GLOD5: variants seen among roughly 807,000 people sequenced by gnomAD.
GLOD5 encodes glyoxalase domain-containing protein 5.
Under a neutral mutation model 9.9 loss-of-function variants are expected in GLOD5, and 7 were observed. The observed-to-expected ratio is 0.71, with a 90% CI of 0.40 to 1.33. GLOD5 has a LOEUF of 1.33. Among genes scored for constraint, GLOD5 ranks in the 40% most tolerant of loss-of-function variants. GLOD5 has a pLI of 0.01. For synonymous variants in GLOD5, 49 were observed against 47.3 expected, an observed-to-expected ratio of 1.04 and a Z score of -0.14; for missense variants, 146 against 128.4, an observed-to-expected ratio of 1.14 and a Z score of -0.66.
rs1488483781 is a variant in GLOD5, at chrX:48,773,480, C to T, written c.*45C>T. Reference sequence around the variant, plus strand: ...ATTCTGTCCCCCTTGATGTCGCCCTCTCCTTTCCTTCCTGCAAACCCCCAC... The same window carrying T: ...ATTCTGTCCCCCTTGATGTCGCCCTTTCCTTTCCTTCCTGCAAACCCCCAC... On this transcript the variant is annotated 3_prime_UTR_variant, in exon 4 of 4. Transcript: ENST00000303227. 4.2e-6 allele frequency: 5 copies of T among 1,182,885 alleles called. No individual in the cohort carries two copies. In the African/African-American group the frequency reaches 5.4e-5, roughly 13 times the overall value.
In GLOD5 at chrX:48,773,503, C is replaced by T; in HGVS notation, c.*68C>T. The T allele has an allele frequency of 2.7e-6, 3 of 1,111,211 alleles. No individual in the cohort carries two copies. Among genetic ancestry groups the T allele is most frequent in the South Asian group, 1.9e-5 (1 of 51,643 alleles). The allele number at this position is 1,111,211 out of a possible 1,213,427, so 91.6% of individuals were successfully genotyped here. On this transcript the variant is annotated 3_prime_UTR_variant, in exon 4 of 4. Coordinates refer to ENST00000303227, the MANE Select transcript of GLOD5 (RefSeq NM_001080489.3). ...CTCTCCTTTCCTTCCTGCAAACCCC[C>T]ACCCAGGCCCAGAGATCTCCAAAGA...
chrX:48,773,055 G>A (rs1217637197), intron 3 of GLOD5, among the ~76,000 whole-genome samples: 1 of 110,048 alleles, frequency 9.1e-6, no homozygotes, highest in Non-Finnish European at 1.9e-5. Context: ...GGGCAGCACA[G>A]CAAGACCTCG....
At chrX:48,762,738 T>G (rs1035557657) in intron 1 of GLOD5, among the ~76,000 whole-genome samples, 3 of 111,517 alleles carry the variant, frequency 2.7e-5, no homozygotes, top group Non-Finnish European at 3.8e-5. Flanking sequence ...CACCCAGTCC[T>G]TTGTGTGATG....
Position 48,773,509 on chromosome X carries a change from G to A in GLOD5, c.*74G>A. ...TTTCCTTCCTGCAAACCCCCACCCA[G>A]GCCCAGAGATCTCCAAAGACTGAGG... On this transcript the variant is annotated 3_prime_UTR_variant, in exon 4 of 4. Coordinates refer to ENST00000303227, the MANE Select transcript of GLOD5 (RefSeq NM_001080489.3). The A allele has an allele frequency of 9.2e-7, 1 of 1,090,468 alleles. No individual in the cohort carries two copies. Among genetic ancestry groups the A allele is most frequent in the Non-Finnish European group, 1.2e-6 (1 of 801,422 alleles). 89.9% of individuals were successfully genotyped at this position (1,090,468 alleles called of 1,213,427 possible).
At position 48,765,847 on chromosome X, in the gene GLOD5, A is replaced by G; in HGVS notation, c.76A>G (p.Ser26Gly). ...RTLEKQSWRD[S>G]SQTPPPCLIR... ...TTTCTTTTTTTAGTCATGGAGGGAC[A>G]GCAGTCAGACCCCTCCCCCATGTCT... Residue 26 changes from serine (S) to glycine (G), a missense_variant, in exon 2 of 4, where the codon AGC becomes GGC. Coordinates refer to ENST00000303227, the MANE Select transcript of GLOD5 (RefSeq NM_001080489.3). 1 of 1,188,225 alleles carries G rather than the reference A, an allele frequency of 8.4e-7. No individual in the cohort carries two copies.
intron 3 of GLOD5, 29 bp from the exon 4 acceptor site, chrX:48,773,281 A>G (rs1557017641): frequency 8.3e-7 from 1 of 1,207,388 alleles, no homozygotes; most frequent in African/African-American, 1.8e-5. Context: ...ATTTTGACGA[A>G]CGACTTTTGT....
At chrX:48,771,518 G>A (rs1477414089) in intron 3 of GLOD5, among the ~76,000 whole-genome samples, 2 of 110,576 alleles carry the variant, frequency 1.8e-5, no homozygotes, top group Non-Finnish European at 3.8e-5. Flanking sequence ...GTTTCACCAC[G>A]TTGGCCAGGC....
In GLOD5 at chrX:48,765,926, C is replaced by A. The variant is rs984922419; in HGVS notation, c.155C>A (p.Thr52Asn). The A allele has an allele frequency of 5.0e-6, 6 of 1,206,011 alleles. No homozygotes were observed. The highest frequency in any genetic ancestry group is 6.7e-6 in the Non-Finnish European group (6 of 892,331). ...ACGGTGAAGAGCATCAAAGACACCA[C>A]CATGTTTTATTCCAAGATCCTGGGC... is the stretch of plus-strand genomic sequence containing the variant. ...VMTVKSIKDT[T>N]MFYSKILGME... Residue 52 changes from threonine (T) to asparagine (N), a missense_variant, in exon 2 of 4, where the codon ACC becomes AAC. Transcript: ENST00000303227.
intron 1 of GLOD5, among the ~76,000 whole-genome samples, chrX:48,764,312 G>C (rs2062603529): frequency 9.0e-6 from 1 of 110,925 alleles, no homozygotes; most frequent in Non-Finnish European, 1.9e-5. Flanking sequence ...GTAGAGATAG[G>C]GTGTCATTGT....
At chrX:48,769,831 T>C (rs2062617857) in intron 2 of GLOD5, among the ~76,000 whole-genome samples, 2 of 105,110 alleles carry the variant, frequency 1.9e-5, no homozygotes, top group Middle Eastern at 5.5e-3. Flanking sequence ...TAAAAAAAAA[T>C]TAGCCAGGCG....
Position 48,773,567 on chromosome X carries a change from G to C in GLOD5, c.*132G>C, listed in dbSNP as rs782373151. 5.6e-6 allele frequency: 4 copies of C among 717,759 alleles called. No individual in the cohort carries two copies. The highest frequency in any genetic ancestry group is 6.1e-6 in the Non-Finnish European group (3 of 492,304). The allele number at this position is 717,759 out of a possible 1,213,427, so 59.2% of individuals were successfully genotyped here. On this transcript the variant is annotated 3_prime_UTR_variant, in exon 4 of 4. Coordinates refer to ENST00000303227, the MANE Select transcript of GLOD5 (RefSeq NM_001080489.3). ...CACTTCACACATCCTGCTGAGGGGG[G>C]ACCCAAGACAGGTTTGGGACCAAAC...
rs782343606 is a variant in GLOD5, at chrX:48,764,079, G to T, written c.64-1756G>T. Among the ~76,000 whole-genome samples, 51 of 112,940 alleles carry T rather than the reference G, an allele frequency of 4.5e-4. 1 individual carries two copies. The South Asian group carries it at 0.018, about 40-fold the overall frequency. On this transcript the variant is annotated intron_variant, in intron 1 of 3. Coordinates refer to ENST00000303227, the MANE Select transcript of GLOD5 (RefSeq NM_001080489.3). ...CCAAGCACTGTCCCTAGTTGTTGCA[G>T]TAGATATTTATTTATTGAACAAATA...
At position 48,771,035 on chromosome X, in the gene GLOD5, T is replaced by G. The variant is rs1018075036; in HGVS notation, c.310T>G (p.Cys104Gly). Residue 104 changes from cysteine (C) to glycine (G), a missense_variant, in exon 3 of 4, where the codon TGT becomes GGT. By Grantham distance (159) the Cys-to-Gly change is radical. Transcript: ENST00000303227. ...AHPVPGSLDI[C>G]LITEVPLEEM... is the part of the protein sequence containing the mutation. ...CCCAGTTCCTGGCTCCCTGGACATA[T>G]GTCTGATCACAGAGGTGCCTTTGGA... is the stretch of plus-strand genomic sequence containing the variant. 3 of 1,200,956 alleles carry G rather than the reference T, an allele frequency of 2.5e-6. No homozygotes were observed. The highest frequency in any genetic ancestry group is 3.4e-6 in the Non-Finnish European group (3 of 890,706).
At chrX:48,765,572 T>C (rs1375326880) in intron 1 of GLOD5, 1 of 286,635 alleles carries the variant, frequency 3.5e-6, no homozygotes. Flanking sequence ...AGTGAGACTC[T>C]GTCTCAAAAA....
Position 48,761,795 on chromosome X carries a change from T to C in GLOD5, c.5T>C (p.Leu2Pro), listed in dbSNP as rs1729563511. MLRHLPSRLPVK... is the reference protein window; with the variant it reads MPRHLPSRLPVK... ...GGCAAAGACGCCTACCCTGCCATGC[T>C]GCGCCATCTGCCCTCCAGGCTGCCA... The change falls in exon 1 of 4, where the codon CTG becomes CCG. Residue 2 changes from leucine to proline, a missense_variant. By Grantham distance (98) the Leu-to-Pro change is moderately conservative. Coordinates refer to ENST00000303227, the MANE Select transcript of GLOD5 (RefSeq NM_001080489.3). 8.6e-7 allele frequency: 1 copy of C among 1,166,099 alleles called. No individual in the cohort carries two copies. The highest frequency in any genetic ancestry group is 2.6e-5 in the Admixed American group (1 of 38,666).
intron 1 of GLOD5, among the ~76,000 whole-genome samples, chrX:48,762,943 G>A (rs1416473798): frequency 2.7e-5 from 3 of 112,036 alleles, no homozygotes; most frequent in East Asian, 5.6e-4. Context: ...CTCCGAGTCT[G>A]CAAAGCAGGA....
chrX:48,763,523 A>G (rs1254948534), intron 1 of GLOD5, among the ~76,000 whole-genome samples: 9 of 110,092 alleles, frequency 8.2e-5, no homozygotes, highest in African/African-American at 3.0e-4. Flanking sequence ...CTACAAAAAA[A>G]AAGAAAAAAG....
chrX:48,772,799 C>T (rs1235865153), intron 3 of GLOD5, among the ~76,000 whole-genome samples: 1 of 109,901 alleles, frequency 9.1e-6, no homozygotes, highest in Non-Finnish European at 1.9e-5. Flanking sequence ...ATGAGGAGAT[C>T]GAGGTACAGG....
chrX:48,767,603 G>A (rs926278173), intron 2 of GLOD5, among the ~76,000 whole-genome samples: 1 of 111,740 alleles, frequency 8.9e-6, no homozygotes, highest in East Asian at 2.8e-4. Context: ...CCAGCTACTC[G>A]GGAGGCTGAG....
Sources: gnomAD v4.1 joint callset for allele counts (sites outside exome capture counted in the v4.1 genomes callset) on GRCh38, gnomAD v4.1.1 for gene constraint, MANE v1.5 for transcripts, NCBI Gene and HGNC (gene_info 2026-07-23, HGNC 2026-07-21) for gene names.